DSCAM: variants seen among roughly 807,000 people sequenced by gnomAD.
DSCAM encodes the protein cell adhesion molecule DSCAM.
In DSCAM, 47 loss-of-function variants were observed where a neutral mutation model predicts 217.7. The ratio of observed to expected loss-of-function variants is 0.22; its 90% CI spans 0.17 to 0.28. DSCAM has a LOEUF of 0.28. DSCAM is among the 10% of genes least tolerant of loss of function. The probability of loss-of-function intolerance (pLI) is 1.00; values close to 1 mark genes in which losing one functional copy is unlikely to be tolerated. For synonymous variants in DSCAM, 1,056 were observed against 1,015.3 expected, an observed-to-expected ratio of 1.04 and a Z score of -0.76; for missense variants, 2,080 against 2,618.3, an observed-to-expected ratio of 0.79 and a Z score of 4.49.
chr21:40,091,231 A>C (rs907308089), intron 21 of DSCAM, among the ~76,000 whole-genome samples: 1 of 152,212 alleles, frequency 6.6e-6, no homozygotes, highest in Non-Finnish European at 1.5e-5. Flanking sequence ...ACAGAGAGAA[A>C]GAGAGATCAT....
chr21:40,713,509 T>C (rs776406706), intron 1 of DSCAM, among the ~76,000 whole-genome samples: 4 of 152,146 alleles, frequency 2.6e-5, no homozygotes, highest in Non-Finnish European at 5.9e-5. Context: ...AAATATACCT[T>C]AGAGTGCACA....
chr21:40,267,619 G>C (rs113406545), intron 11 of DSCAM, among the ~76,000 whole-genome samples: 5,522 of 152,260 alleles, frequency 0.036, 332 homozygotes, highest in African/African-American at 0.13. Context: ...ATTATGGGCC[G>C]GGTGTGGTGG....
intron 1 of DSCAM, among the ~76,000 whole-genome samples, chr21:40,782,660 G>C (rs562403995): frequency 1.3e-5 from 2 of 152,178 alleles, no homozygotes; most frequent in South Asian, 4.2e-4. Flanking sequence ...AGTACAGGAG[G>C]TTGAGGTTGC....
intron 11 of DSCAM, among the ~76,000 whole-genome samples, chr21:40,273,992 A>C (rs78977013): frequency 0.016 from 2,383 of 152,276 alleles, 31 homozygotes; most frequent in Non-Finnish European, 0.026. Context: ...AGTTCATTCC[A>C]CACGGTCACT....
chr21:40,520,162 A>C (rs2076347517), intron 3 of DSCAM, among the ~76,000 whole-genome samples: 1 of 152,028 alleles, frequency 6.6e-6, no homozygotes, highest in African/African-American at 2.4e-5. Flanking sequence ...TAGTGGAATA[A>C]ATTGCTCCTA....
At chr21:40,279,453 A>G (rs1156787052) in intron 10 of DSCAM, among the ~76,000 whole-genome samples, 2 of 152,278 alleles carry the variant, frequency 1.3e-5, no homozygotes, top group Non-Finnish European at 2.9e-5. Context: ...CACAATGGTG[A>G]TCATTAAAAA....
In DSCAM at chr21:40,846,608, G is replaced by C. The variant is rs1569066107; in HGVS notation, c.43+11C>G. On this transcript the variant is annotated intron_variant, in intron 1 of 32. Transcript: ENST00000400454. ...AAGGAAACGAAATTCATCACAAACC[G>C]AAAGGCTCACCATTCGCGAAGCTCT... The C allele has an allele frequency of 7.7e-7, 1 of 1,293,996 alleles. No individual in the cohort carries two copies. The highest frequency in any genetic ancestry group is 9.8e-7 in the Non-Finnish European group (1 of 1,018,174). The allele number at this position is 1,293,996 out of a possible 1,614,324, so 80.2% of individuals were successfully genotyped here.
chr21:40,550,161 G>A (rs11088520), intron 3 of DSCAM, among the ~76,000 whole-genome samples: 85,811 of 151,826 alleles, frequency 0.57, 24,587 homozygotes, highest in South Asian at 0.62. Context: ...CTGACACTCA[G>A]CTCAACCAAT....
chr21:40,117,819 C>T (rs766292604), intron 20 of DSCAM, among the ~76,000 whole-genome samples: 11 of 152,116 alleles, frequency 7.2e-5, no homozygotes, highest in East Asian at 1.9e-4. Context: ...TTTTGGCACT[C>T]GGTGCCTAAT....
chr21:40,729,526 G>T (rs1412556268), intron 1 of DSCAM, among the ~76,000 whole-genome samples: 1 of 152,202 alleles, frequency 6.6e-6, no homozygotes, highest in Non-Finnish European at 1.5e-5. Context: ...CTTATAAACT[G>T]AATCGTGTTC....
At position 40,281,304 on chromosome 21, in the gene DSCAM, C is replaced by T. The variant is rs531589637; in HGVS notation, c.2183-5034G>A. 7.2e-5 allele frequency among the ~76,000 whole-genome samples: 11 copies of T among 152,224 alleles called. 1 individual carries two copies. In the South Asian group the frequency reaches 1.4e-3, roughly 20 times the overall value. Reference sequence around the variant, plus strand: ...GTTCTTGAACTATGTATTGGTATGGCTTATAGTAAGCAAACAACATTGTTG... The same window carrying T: ...GTTCTTGAACTATGTATTGGTATGGTTTATAGTAAGCAAACAACATTGTTG... On this transcript the variant is annotated intron_variant, in intron 10 of 32. Coordinates refer to ENST00000400454, the MANE Select transcript of DSCAM (RefSeq NM_001389.5).
intron 1 of DSCAM, among the ~76,000 whole-genome samples, chr21:40,736,200 C>T (rs1163257903): frequency 1.3e-5 from 2 of 152,144 alleles, no homozygotes; most frequent in Non-Finnish European, 2.9e-5. Context: ...GCCCCTACTC[C>T]CTCCCTGGAC....
intron 3 of DSCAM, among the ~76,000 whole-genome samples, chr21:40,520,710 G>C (rs1293063819): frequency 6.6e-6 from 1 of 152,150 alleles, no homozygotes; most frequent in East Asian, 1.9e-4. Context: ...AGGAGGCTGA[G>C]GCAGGAGAAT....
intron 3 of DSCAM, among the ~76,000 whole-genome samples, chr21:40,620,667 C>T (rs1490711965): frequency 6.6e-6 from 1 of 152,188 alleles, no homozygotes; most frequent in African/African-American, 2.4e-5. Context: ...CTCTCATATA[C>T]TGCTAGTGAG....
At chr21:40,578,577 C>CCAG (rs1236866251) in intron 3 of DSCAM, among the ~76,000 whole-genome samples, 3 of 152,120 alleles carry the variant, frequency 2.0e-5, no homozygotes, top group South Asian at 2.1e-4. Context: ...GCCACTGGAG[C>CCAG]CAGCAGCAGC....
At chr21:40,453,089 T>A (rs1242725006) in intron 3 of DSCAM, among the ~76,000 whole-genome samples, 1 of 125,400 alleles carries the variant, frequency 8.0e-6, no homozygotes, top group African/African-American at 3.2e-5. Flanking sequence ...TGTGTGTGTG[T>A]GTGAGATATA....
At chr21:40,130,961 G>A (rs372817143) in intron 19 of DSCAM, among the ~76,000 whole-genome samples, 2 of 152,188 alleles carry the variant, frequency 1.3e-5, no homozygotes, top group Admixed American at 6.5e-5. Flanking sequence ...TCGGATGCTC[G>A]CTGTTAATGT....
chr21:40,482,978 T>G (rs1376390936), intron 3 of DSCAM, among the ~76,000 whole-genome samples: 1 of 152,190 alleles, frequency 6.6e-6, no homozygotes, highest in African/African-American at 2.4e-5. Flanking sequence ...TGTGGTGCTG[T>G]GGATGTAATT....
chr21:40,827,292 A>AC (rs1452684783), intron 1 of DSCAM, among the ~76,000 whole-genome samples: 2 of 151,626 alleles, frequency 1.3e-5, no homozygotes, highest in African/African-American at 4.8e-5. Context: ...ACATAAAGAG[A>AC]CCCCCATCTC....
Sources: gnomAD v4.1 joint callset for allele counts (sites outside exome capture counted in the v4.1 genomes callset) on GRCh38, gnomAD v4.1.1 for gene constraint, MANE v1.5 for transcripts, NCBI Gene and HGNC (gene_info 2026-07-23, HGNC 2026-07-21) for gene names.